The following TRERF1 variants were observed in gnomAD, a reference collection of about 807,000 sequenced individuals.
TRERF1 encodes transcriptional-regulating factor 1.
In TRERF1, 27 loss-of-function variants were observed where a neutral mutation model predicts 122.9. That is an observed-to-expected ratio of 0.22 (90% CI 0.16 to 0.30). The LOEUF (loss-of-function observed/expected upper bound fraction) is 0.30, where lower values mean the gene tolerates loss of function less well. Ranked by LOEUF, TRERF1 falls within the 10% of genes least tolerant of loss-of-function variation. The pLI, the probability that TRERF1 is intolerant of heterozygous loss-of-function variation, is 1.00. For synonymous variants in TRERF1, 636 were observed against 641.7 expected (o/e 0.99, Z 0.13); for missense variants, 1,248 against 1,560.3 (o/e 0.80, Z 3.37).
intron 2 of TRERF1, among the ~76,000 whole-genome samples, chr6:42,447,034 G>A (rs190396471): frequency 4.6e-5 from 7 of 151,996 alleles, no homozygotes; most frequent in Non-Finnish European, 1.0e-4. Context: ...CAAAACCCTC[G>A]TTCTTTGAGC....
intron 3 of TRERF1, among the ~76,000 whole-genome samples, chr6:42,308,975 C>T (rs1416370070): frequency 6.6e-6 from 1 of 151,720 alleles, no homozygotes; most frequent in Non-Finnish European, 1.5e-5. Flanking sequence ...AAAAAATGAC[C>T]GATGGTTAAT....
At chr6:42,344,399 T>C (rs1452927480) in intron 3 of TRERF1, among the ~76,000 whole-genome samples, 1 of 152,156 alleles carries the variant, frequency 6.6e-6, no homozygotes, top group Non-Finnish European at 1.5e-5. Context: ...TCCTATTATT[T>C]TGTAAATGAG....
intron 2 of TRERF1, among the ~76,000 whole-genome samples, chr6:42,363,362 C>A (rs1329469671): frequency 1.3e-5 from 2 of 152,222 alleles, no homozygotes; most frequent in Non-Finnish European, 2.9e-5. Context: ...CACGTCTAAT[C>A]CATCAGCAAA....
intron 16 of TRERF1, among the ~76,000 whole-genome samples, chr6:42,234,062 T>C (rs1256830675): frequency 6.6e-6 from 1 of 152,176 alleles, no homozygotes; most frequent in Non-Finnish European, 1.5e-5. Flanking sequence ...ATAGGATGTT[T>C]AGCAGCATCT....
intron 2 of TRERF1, among the ~76,000 whole-genome samples, chr6:42,417,402 C>G (rs1232602132): frequency 6.6e-6 from 1 of 152,114 alleles, no homozygotes; most frequent in Non-Finnish European, 1.5e-5. Flanking sequence ...TGCCTGTCCA[C>G]CAGGCACCCG....
intron 3 of TRERF1, among the ~76,000 whole-genome samples, chr6:42,308,103 A>C (rs1368325102): frequency 6.6e-6 from 1 of 152,214 alleles, no homozygotes; most frequent in African/African-American, 2.4e-5. Flanking sequence ...TGACCCAGGA[A>C]TTCTGCTTCT....
At chr6:42,321,819 A>T (rs1583026587) in intron 3 of TRERF1, among the ~76,000 whole-genome samples, 1 of 140,076 alleles carries the variant, frequency 7.1e-6, no homozygotes, top group Non-Finnish European at 1.6e-5. Flanking sequence ...CTGTAAGCCT[A>T]AAAAAAAATC....
rs1216929974 is a variant in TRERF1 at position 42,268,797 on chromosome 6, T to C, written c.794A>G (p.Gln265Arg). 6.2e-7 allele frequency: 1 copy of C among 1,614,026 alleles called. No homozygotes were observed. The highest frequency in any genetic ancestry group is 1.3e-5 in the African/African-American group (1 of 74,914). The change falls in exon 5 of 18, where the codon CAG (glutamine) becomes CGG (arginine). Residue 265 changes from glutamine to arginine, a missense_variant. Gln to Arg is a conservative substitution (Grantham distance 43). This residue lies in a region of TRERF1 where 946 missense variants were observed against 1,073.0 expected (regional missense o/e 0.88). Coordinates refer to ENST00000372922, the Ensembl canonical transcript of TRERF1. This position sits in a 1 kb window ranked among gnomAD's most constrained non-coding sequence, Gnocchi z 4.4. ...CTGCGGTGGGTAATACTGGTGCTGC[T>C]GCATCTGTTGCATGTGCTGTGACAG...
chr6:42,349,649 C>G (rs1216327197), intron 3 of TRERF1, among the ~76,000 whole-genome samples: 1 of 152,050 alleles, frequency 6.6e-6, no homozygotes, highest in Non-Finnish European at 1.5e-5. Flanking sequence ...ACTGGGTCTG[C>G]CTTTATTTGC....
intron 2 of TRERF1, among the ~76,000 whole-genome samples, chr6:42,427,219 T>C (rs1267149314): frequency 6.6e-6 from 1 of 152,150 alleles, no homozygotes; most frequent in African/African-American, 2.4e-5. Context: ...CTAGGGCACA[T>C]AAATGCTTAG....
At chr6:42,444,060 TCTGA>T (rs1362786605) in intron 2 of TRERF1, among the ~76,000 whole-genome samples, 2 of 150,838 alleles carry the variant, frequency 1.3e-5, no homozygotes, top group East Asian at 3.9e-4. Flanking sequence ...TCAATCCAGC[TCTGA>T]CTCTCTCCTT....
chr6:42,334,285 C>A (rs1392033359), intron 3 of TRERF1, among the ~76,000 whole-genome samples: 2 of 152,130 alleles, frequency 1.3e-5, no homozygotes, highest in Non-Finnish European at 2.9e-5. Context: ...CTGTAGCAGC[C>A]ACTGAGACAC....
chr6:42,330,705 T>C (rs1765099587), intron 3 of TRERF1, among the ~76,000 whole-genome samples: 1 of 152,214 alleles, frequency 6.6e-6, no homozygotes, highest in Admixed American at 6.5e-5. Flanking sequence ...TCTCATTCTT[T>C]GCCTAGGCTG....
intron 4 of TRERF1, among the ~76,000 whole-genome samples, chr6:42,271,977 C>T (rs1157277105): frequency 1.3e-5 from 2 of 152,066 alleles, no homozygotes; most frequent in South Asian, 2.1e-4. Context: ...GGTGTTCATG[C>T]GTTTTTAAAA....
chr6:42,372,314 A>T (rs1243703382), intron 2 of TRERF1, among the ~76,000 whole-genome samples: 2 of 152,190 alleles, frequency 1.3e-5, no homozygotes, highest in Non-Finnish European at 2.9e-5. Context: ...TTACTAACCA[A>T]GTAGAAAGCC....
chr6:42,368,014 C>G (rs1773077846), intron 2 of TRERF1, among the ~76,000 whole-genome samples: 1 of 152,050 alleles, frequency 6.6e-6, no homozygotes, highest in African/African-American at 2.4e-5. Flanking sequence ...ATTGCTCACA[C>G]CAGTATGGGG....
intron 2 of TRERF1, among the ~76,000 whole-genome samples, chr6:42,403,938 C>G (rs908274474): frequency 2.6e-5 from 4 of 151,712 alleles, no homozygotes; most frequent in South Asian, 2.1e-4. Context: ...GAGACCCCCC[C>G]CAGGCCTTGC....
In TRERF1 at chr6:42,228,531, C is replaced by G; in HGVS notation, c.3417G>C (p.Val1139=). ...CCAGGGGCAGCAGCCCCGGCGCCCC[C>G]ACGGGCCCCGTAGTCCTCTCAATCG... is the stretch of plus-strand genomic sequence containing the variant. The change falls in exon 18 of 18, where the codon GTG becomes GTC. Residue 1139 remains valine (V), a synonymous_variant. Transcript: ENST00000372922. This position sits in a 1 kb window ranked among gnomAD's most constrained non-coding sequence, Gnocchi z 4.2. 2 of 1,614,214 alleles carry G rather than the reference C, an allele frequency of 1.2e-6. No homozygotes were observed. The highest frequency in any genetic ancestry group is 1.7e-6 in the Non-Finnish European group (2 of 1,180,044).
At chr6:42,413,625 T>C (rs1258941447) in intron 2 of TRERF1, among the ~76,000 whole-genome samples, 3 of 152,040 alleles carry the variant, frequency 2.0e-5, no homozygotes, top group African/African-American at 7.2e-5. Flanking sequence ...AGATGGGGTT[T>C]CACCATGTTG....
Sources: gnomAD v4.1 joint callset for allele counts (sites outside exome capture counted in the v4.1 genomes callset) on GRCh38, gnomAD v4.1.1 for gene constraint, gnomAD v4.1.1 regional missense constraint, Gnocchi (gnomAD v3.1) non-coding constraint, MANE v1.5 for transcripts, NCBI Gene and HGNC (gene_info 2026-07-23, HGNC 2026-07-21) for gene names.